The following FAM161A variants were observed in gnomAD, a reference collection of about 807,000 sequenced individuals.
FAM161A encodes the protein protein FAM161A.
Under a neutral mutation model 70.9 loss-of-function variants are expected in FAM161A, and 57 were observed. The observed-to-expected ratio is 0.80, with a 90% CI of 0.65 to 1.00. FAM161A has a LOEUF of 1.00. FAM161A is among the 50% of genes least tolerant of loss of function. The probability of loss-of-function intolerance (pLI) is 0.00; values close to 1 mark genes in which losing one functional copy is unlikely to be tolerated. For missense variants in FAM161A, 880 were observed against 836.0 expected (o/e 1.05, Z -0.65); for synonymous variants, 299 against 295.7 (o/e 1.01, Z -0.12).
At chr2:61,809,325 T>A in the FAM161A span, among the ~76,000 whole-genome samples, 1 of 152,154 alleles carries the variant, frequency 6.6e-6, no homozygotes, top group Admixed American at 6.5e-5. Flanking sequence ...TTCTGACCTC[T>A]TCTTTCTACA....
intron 5 of FAM161A, among the ~76,000 whole-genome samples, chr2:61,828,336 CTT>C (rs146880732): frequency 6.8e-6 from 1 of 146,158 alleles, no homozygotes; most frequent in Admixed American, 6.8e-5. Flanking sequence ...ATTCTTTTTC[CTT>C]TTTTTTTTGA....
intron 4 of FAM161A, among the ~76,000 whole-genome samples, chr2:61,837,430 C>T (rs1449644946): frequency 6.6e-6 from 1 of 152,080 alleles, no homozygotes. Flanking sequence ...AATAATTATA[C>T]TTTTAAATGA....
chr2:61,826,577 C>T lies in FAM161A; in HGVS notation c.2029G>A (p.Glu677Lys). 1.2e-6 allele frequency: 2 copies of T among 1,601,010 alleles called. No homozygotes were observed. The highest frequency in any genetic ancestry group is 1.7e-6 in the Non-Finnish European group (2 of 1,170,958). The stretch of plus-strand genomic sequence containing the variant: ...TTTTCTTCCCCATTCTCTCTTTCTT[C>T]TATTTTTTCTTCTTCATTAAAGCTA... ...KESFNEEEKI[E>K]ERENGEENYF... Residue 677 changes from glutamate to lysine, a missense_variant, in exon 7 of 7, where the codon GAA (glutamate) becomes AAA (lysine). By Grantham distance (56) the Glu-to-Lys change is moderately conservative. Coordinates refer to ENST00000404929, the MANE Select transcript of FAM161A (RefSeq NM_001201543.2).
the FAM161A span, among the ~76,000 whole-genome samples, chr2:61,803,669 C>A: frequency 6.6e-6 from 1 of 152,128 alleles, no homozygotes; most frequent in Non-Finnish European, 1.5e-5. Context: ...TAAAAATTAG[C>A]TGGGCATGGT....
rs533214625 is a variant in FAM161A at position 61,843,070 on chromosome 2, A to C, written c.184-710T>G. 3.3e-5 allele frequency among the ~76,000 whole-genome samples: 5 copies of C among 152,314 alleles called. No individual in the cohort carries two copies. The South Asian group carries it at 8.3e-4, about 25-fold the overall frequency. ...AGAAAAAATGCTGTAATTATTCAAC[A>C]TACAGATCATGTTTAGAAGGGTCTG... On this transcript the variant is annotated intron_variant, in intron 1 of 6. Coordinates refer to ENST00000404929, the MANE Select transcript of FAM161A (RefSeq NM_001201543.2).
the FAM161A span, among the ~76,000 whole-genome samples, chr2:61,804,770 G>GAAAT: frequency 1.0e-5 from 1 of 100,130 alleles, no homozygotes; most frequent in Non-Finnish European, 2.1e-5. Context: ...AAAAGAAAGA[G>GAAAT]AAAGAAAGAA....
At chr2:61,826,722 A>C in intron 6 of FAM161A, 123 bp from the exon 7 acceptor site, 1 of 772,080 alleles carries the variant, frequency 1.3e-6, no homozygotes, top group Non-Finnish European at 2.0e-6. Context: ...CCAATTTGTT[A>C]CCAAGACAAC....
At position 61,839,597 on chromosome 2, in the gene FAM161A, T is replaced by C; in HGVS notation, c.1407A>G (p.Arg469=). ...CTTCGATGTCTGCCAAAATTTTTTC[T>C]CTTTTAATAGATGCATGTGGAGATG... ...LHASPHASIK[R]EKILADIEAD... Residue 469 remains arginine, a synonymous_variant, in exon 3 of 7, where the codon AGA becomes AGG. Coordinates refer to ENST00000404929, the MANE Select transcript of FAM161A (RefSeq NM_001201543.2). 2 of 1,614,262 alleles carry C rather than the reference T, an allele frequency of 1.2e-6. No homozygotes were observed. The highest frequency in any genetic ancestry group is 1.7e-6 in the Non-Finnish European group (2 of 1,180,050).
chr2:61,848,527 T>C (rs1463943360), intron 1 of FAM161A, among the ~76,000 whole-genome samples: 1 of 151,884 alleles, frequency 6.6e-6, no homozygotes, highest in African/African-American at 2.4e-5. Context: ...ATGTTGTAAA[T>C]GCAGCCACCA....
Position 61,840,020 on chromosome 2 carries a change from T to C in FAM161A, c.984A>G (p.Ile328Met). The C allele has an allele frequency of 6.2e-7, 1 of 1,614,242 alleles. No individual in the cohort carries two copies. Among genetic ancestry groups the C allele is most frequent in the Non-Finnish European group, 8.5e-7 (1 of 1,180,036 alleles). ...LLASQKPFKF[I>M]AREEQKRAAR... Reference sequence around the variant, plus strand: ...CTGCTCGCTTCTGTTCCTCCCTTGCTATAAATTTAAATGGCTTTTGTGAGG... The same window carrying C: ...CTGCTCGCTTCTGTTCCTCCCTTGCCATAAATTTAAATGGCTTTTGTGAGG... Residue 328 changes from isoleucine to methionine, a missense_variant, in exon 3 of 7, where the codon ATA becomes ATG. Transcript: ENST00000404929.
At chr2:61,820,531 A>G, downstream of FAM161A, 2 of 746,742 alleles carry the variant, frequency 2.7e-6, no homozygotes, top group Non-Finnish European at 4.9e-6. Context: ...TGTTGCTGGC[A>G]TTAAAGAAGA....
chr2:61,825,219 T>C lies in FAM161A; in HGVS notation c.*1236A>G, dbSNP rs1304048910. ...TTCAAATTTTAAAACAAAAATTTGC[T>C]TAAAGAAAAAAATATAGATTTATAA... On this transcript the variant is annotated 3_prime_UTR_variant, in exon 7 of 7. Coordinates refer to ENST00000404929, the MANE Select transcript of FAM161A (RefSeq NM_001201543.2). The C allele has an allele frequency of 4.6e-6, 2 of 437,794 alleles. No homozygotes were observed. Among genetic ancestry groups the C allele is most frequent in the Admixed American group, 5.2e-5 (2 of 38,188 alleles). 27.1% of individuals were successfully genotyped at this position (437,794 alleles called of 1,614,324 possible). A position where few individuals can be genotyped will look rare whatever the true frequency, so the allele number is the denominator to read the frequency against.
rs1558471841 is a variant in FAM161A, at chr2:61,825,299, A to G, written c.*1156T>C. 1 of 454,232 alleles carries G rather than the reference A, an allele frequency of 2.2e-6. No individual in the cohort carries two copies. Among genetic ancestry groups the G allele is most frequent in the South Asian group, 1.6e-5 (1 of 64,466 alleles). The allele number at this position is 454,232 out of a possible 1,614,324, so 28.1% of individuals were successfully genotyped here. A position where few individuals can be genotyped will look rare whatever the true frequency, so the allele number is the denominator to read the frequency against. ...AAAGTGTGTTGGCAATAATATGTAA[A>G]AAGTTGAACACAACTGGGTCTAGCA... On this transcript the variant is annotated 3_prime_UTR_variant, in exon 7 of 7. Coordinates refer to ENST00000404929, the MANE Select transcript of FAM161A (RefSeq NM_001201543.2).
the FAM161A span, among the ~76,000 whole-genome samples, chr2:61,804,696 A>AAGAG: frequency 6.7e-6 from 1 of 149,890 alleles, no homozygotes; most frequent in Admixed American, 6.7e-5. Context: ...AGAGAGAAGA[A>AAGAG]AGAGAGAGAG....
chr2:61,838,930 TG>T (rs1354085492), intron 3 of FAM161A, among the ~76,000 whole-genome samples: 19 of 151,020 alleles, frequency 1.3e-4, no homozygotes, highest in African/African-American at 4.4e-4. Context: ...TCGCCCAGGC[TG>T]GAGTGCCATG....
chr2:61,852,829 A>T (rs1673541699), intron 1 of FAM161A, among the ~76,000 whole-genome samples: 1 of 151,862 alleles, frequency 6.6e-6, no homozygotes. Flanking sequence ...ATATCCAGTG[A>T]TTTCAGTTAG....
the FAM161A span, among the ~76,000 whole-genome samples, chr2:61,804,970 G>A: frequency 6.6e-6 from 1 of 152,026 alleles, no homozygotes; most frequent in Admixed American, 6.6e-5. Flanking sequence ...CTCAGGTTAG[G>A]GGGAACTGAG....
At chr2:61,824,546 A>G (rs1322422107), downstream of FAM161A, among the ~76,000 whole-genome samples, 5 of 152,132 alleles carry the variant, frequency 3.3e-5, no homozygotes, top group Non-Finnish European at 7.4e-5. Flanking sequence ...AGACCTTTCC[A>G]TATATGATTT....
At chr2:61,816,770 T>C in the FAM161A span, among the ~76,000 whole-genome samples, 3 of 152,158 alleles carry the variant, frequency 2.0e-5, no homozygotes, top group Non-Finnish European at 2.9e-5. Flanking sequence ...CTGGCCTGTG[T>C]GTACTTTAAC....
Sources: gnomAD v4.1 joint callset for allele counts (sites outside exome capture counted in the v4.1 genomes callset) on GRCh38, gnomAD v4.1.1 for gene constraint, MANE v1.5 for transcripts, NCBI Gene and HGNC (gene_info 2026-07-23, HGNC 2026-07-21) for gene names.